The following VPS13B variants were observed in gnomAD, a reference collection of about 807,000 sequenced individuals.
VPS13B encodes the protein intermembrane lipid transfer protein VPS13B.
In VPS13B, 285 loss-of-function variants were observed where a neutral mutation model predicts 426.4. The observed-to-expected ratio is 0.67, with a 90% CI of 0.61 to 0.74. The LOEUF (loss-of-function observed/expected upper bound fraction) is 0.74. Among genes scored for constraint, VPS13B ranks in the 30% least tolerant of loss-of-function variants. The probability of loss-of-function intolerance (pLI) is 0.00; values close to 1 mark genes in which losing one functional copy is unlikely to be tolerated. For missense variants in VPS13B, 4,537 were observed against 4,782.6 expected (o/e 0.95, Z 1.51); for synonymous variants, 1,676 against 1,676.4 (o/e 1.00, Z 0.01).
At chr8:99,772,712 A>T (rs1811569517) in intron 40 of VPS13B, among the ~76,000 whole-genome samples, 1 of 152,210 alleles carries the variant, frequency 6.6e-6, no homozygotes, top group African/African-American at 2.4e-5. Context: ...TGTATACTGG[A>T]TTACAATAAA....
rs540797062 is a variant in VPS13B, at chr8:99,497,216, T to A, written c.3871-4471T>A. Among the ~76,000 whole-genome samples the A allele has an allele frequency of 2.3e-3, 332 of 142,242 alleles. 1 individual carries two copies. Among genetic ancestry groups the A allele is most frequent in the African/African-American group, 8.1e-3 (318 of 39,158 alleles). 93.3% of individuals were successfully genotyped at this position (142,242 alleles called of 152,430 possible). ...CATGTATTTATATATTTAATATATA[T>A]AAATACATGTATTTATATATACATA... On this transcript the variant is annotated intron_variant, in intron 25 of 61. Transcript: ENST00000357162.
intron 23 of VPS13B, among the ~76,000 whole-genome samples, chr8:99,453,206 A>G (rs553307958): frequency 3.7e-4 from 56 of 152,220 alleles, no homozygotes; most frequent in Middle Eastern, 3.4e-3. Flanking sequence ...GTATTGTTCT[A>G]TTTTAGGTTT....
In VPS13B at chr8:99,148,048, A is replaced by G. The variant is rs370679475; in HGVS notation, c.2013+38A>G. 9 of 1,554,914 alleles carry G rather than the reference A, an allele frequency of 5.8e-6. No homozygotes were observed. In the African/African-American group the frequency reaches 1.3e-4, roughly 22 times the overall value. On this transcript the variant is annotated intron_variant, in intron 14 of 61. Coordinates refer to ENST00000357162, the MANE Select transcript of VPS13B (RefSeq NM_152564.5). ...ATTTGCTATATTTTTTTTCCCTCAT[A>G]TATGGATTTTTTTTTTTTTTTTTGT...
intron 33 of VPS13B, among the ~76,000 whole-genome samples, chr8:99,587,312 A>G (rs1182523054): frequency 1.3e-5 from 2 of 152,146 alleles, no homozygotes; most frequent in African/African-American, 2.4e-5. Context: ...TAGCAGCATG[A>G]TTTATAATCC....
intron 23 of VPS13B, among the ~76,000 whole-genome samples, chr8:99,443,092 T>C (rs1354595590): frequency 6.6e-6 from 1 of 152,132 alleles, no homozygotes; most frequent in African/African-American, 2.4e-5. Context: ...TATATGATGA[T>C]TAGAGTCATG....
At chr8:99,454,594 C>A (rs182280253) in intron 23 of VPS13B, among the ~76,000 whole-genome samples, 127 of 152,282 alleles carry the variant, frequency 8.3e-4, no homozygotes, top group African/African-American at 2.9e-3. Flanking sequence ...CCGCTATATA[C>A]CTCCATCTGC....
chr8:99,853,466 T>G lies in VPS13B; in HGVS notation c.10077T>G (p.Ile3359Met), dbSNP rs888513915. The stretch of plus-strand genomic sequence containing the variant: ...TCTCCTCTAGAGCGCCAGAGAAGAT[T>G]GTTACATTTAAAATGTTCATCACTC... ...LTNTNRAPEK[I>M]VTFKMFITQL... Residue 3359 changes from isoleucine to methionine, a missense_variant, in exon 56 of 62, where the codon ATT becomes ATG. Coordinates refer to ENST00000357162, the MANE Select transcript of VPS13B (RefSeq NM_152564.5). 51 of 1,614,056 alleles carry G rather than the reference T, an allele frequency of 3.2e-5. No homozygotes were observed. The highest frequency in any genetic ancestry group is 4.3e-5 in the Non-Finnish European group (51 of 1,180,034).
intron 25 of VPS13B, among the ~76,000 whole-genome samples, chr8:99,492,752 G>A (rs1390624069): frequency 4.6e-5 from 7 of 152,132 alleles, no homozygotes; most frequent in South Asian, 4.1e-4. Flanking sequence ...AGAGTGTACC[G>A]TTCCTCCAGG....
intron 3 of VPS13B, among the ~76,000 whole-genome samples, chr8:99,082,863 A>G (rs1845560231): frequency 1.3e-5 from 2 of 152,118 alleles, no homozygotes; most frequent in Admixed American, 1.3e-4. Flanking sequence ...TGCTTACTGT[A>G]GCCTTGTAGT....
chr8:99,115,803 T>G lies in VPS13B; in HGVS notation c.866T>G (p.Ile289Arg), dbSNP rs761127593. The change falls in exon 7 of 62, where the codon ATA becomes AGA. Residue 289 changes from isoleucine to arginine, a missense_variant. Coordinates refer to ENST00000357162, the MANE Select transcript of VPS13B (RefSeq NM_152564.5). ...GGAATTGCTCTTTACTATGGAGAAA[T>G]AGGCAATTTTAAAGAAGGCGAAATA... ...QLGIALYYGE[I>R]GNFKEGEIED... 3 of 1,613,698 alleles carry G rather than the reference T, an allele frequency of 1.9e-6. No homozygotes were observed. Among genetic ancestry groups the G allele is most frequent in the Non-Finnish European group, 1.7e-6 (2 of 1,179,810 alleles).
chr8:99,160,259 C>G (rs540520869), intron 15 of VPS13B, among the ~76,000 whole-genome samples: 6 of 152,064 alleles, frequency 3.9e-5, no homozygotes, highest in East Asian at 1.9e-4. Flanking sequence ...TTGAACAATA[C>G]ATGTTTTAGC....
intron 3 of VPS13B, among the ~76,000 whole-genome samples, chr8:99,066,937 A>G (rs1226708108): frequency 6.6e-6 from 1 of 152,230 alleles, no homozygotes; most frequent in Non-Finnish European, 1.5e-5. Flanking sequence ...TGAAAACCAC[A>G]GTGAGATACC....
At chr8:99,121,054 GT>G in intron 7 of VPS13B, 122 bp from the exon 8 acceptor site, 1 of 785,274 alleles carries the variant, frequency 1.3e-6, no homozygotes, top group Non-Finnish European at 2.0e-6. Context: ...AATAATCACT[GT>G]ATCATTTGTT....
chr8:99,739,108 T>G (rs1175829348), intron 39 of VPS13B, among the ~76,000 whole-genome samples: 2 of 152,110 alleles, frequency 1.3e-5, no homozygotes, highest in Non-Finnish European at 2.9e-5. Context: ...ACCTGGAAAA[T>G]CAGGTCACTC....
At chr8:99,321,210 CTTTTTTTTTTTTT>C (rs58817658) in intron 19 of VPS13B, among the ~76,000 whole-genome samples, 4 of 93,994 alleles carry the variant, frequency 4.3e-5, no homozygotes, top group Non-Finnish European at 8.7e-5. Flanking sequence ...TTTTCTTTTT[CTTTTTTTTTTTTT>C]TTTTTGAGAC....
chr8:99,629,268 A>T (rs1828741184), intron 33 of VPS13B, among the ~76,000 whole-genome samples: 1 of 152,174 alleles, frequency 6.6e-6, no homozygotes, highest in Non-Finnish European at 1.5e-5. Context: ...TGCTTTAAAG[A>T]ATATCAGGGA....
At chr8:99,584,180 A>G (rs536972022) in intron 33 of VPS13B, among the ~76,000 whole-genome samples, 51 of 152,292 alleles carry the variant, frequency 3.3e-4, no homozygotes, top group African/African-American at 1.1e-3. Context: ...TTTACTGCCT[A>G]TCTTCTCCAA....
At position 99,058,915 on chromosome 8, in the gene VPS13B, C is replaced by T. The variant is rs150092356; in HGVS notation, c.291+20349C>T. ...GTCTGTCTAGCTCATCATATGCTAA[C>T]ATTACTAGTAATTAGATCTCACTGA... On this transcript the variant is annotated intron_variant, in intron 3 of 61. Coordinates refer to ENST00000357162, the MANE Select transcript of VPS13B (RefSeq NM_152564.5). Among the ~76,000 whole-genome samples, 959 of 152,280 alleles carry T rather than the reference C, an allele frequency of 6.3e-3. 7 individuals carry two copies. The highest frequency in any genetic ancestry group is 0.022 in the African/African-American group (900 of 41,546).
At chr8:99,167,640 T>C (rs1488838127) in intron 15 of VPS13B, among the ~76,000 whole-genome samples, 3 of 152,108 alleles carry the variant, frequency 2.0e-5, no homozygotes, top group Non-Finnish European at 4.4e-5. Flanking sequence ...ATTTCTTCTA[T>C]TTGAGATATT....
Sources: allele counts gnomAD v4.1 joint callset (sites outside exome capture counted in the v4.1 genomes callset), GRCh38; gene constraint gnomAD v4.1.1; transcripts MANE v1.5; gene names NCBI Gene and HGNC (gene_info 2026-07-23, HGNC 2026-07-21).